LHPP: variants seen among roughly 807,000 people sequenced by gnomAD.
LHPP encodes hLHPP.
A neutral mutation model predicts 30.3 loss-of-function variants in LHPP; 24 were observed. The ratio of observed to expected loss-of-function variants is 0.79; its 90% CI spans 0.57 to 1.11. The LOEUF (loss-of-function observed/expected upper bound fraction) is 1.11. Ranked by LOEUF, LHPP falls within the 50% of genes most tolerant of loss-of-function variation. The probability of loss-of-function intolerance (pLI) is 0.00; values close to 1 mark genes in which losing one functional copy is unlikely to be tolerated. For synonymous variants in LHPP, 150 were observed against 157.1 expected, an observed-to-expected ratio of 0.95 and a Z score of 0.34; for missense variants, 356 against 367.2, an observed-to-expected ratio of 0.97 and a Z score of 0.25.
chr10:124,534,499 T>C (rs1267074539), intron 6 of LHPP, among the ~76,000 whole-genome samples: 1 of 152,136 alleles, frequency 6.6e-6, no homozygotes, highest in African/African-American at 2.4e-5. Context: ...GGCCTGGGCT[T>C]TGGGGTCAAG....
intron 1 of LHPP, among the ~76,000 whole-genome samples, chr10:124,469,796 G>A (rs914119922): frequency 1.3e-5 from 2 of 152,170 alleles, no homozygotes; most frequent in Non-Finnish European, 2.9e-5. Context: ...ACCAGCAGGC[G>A]ACAGCGTGCA....
At chr10:124,574,456 A>G (rs4962655) in intron 6 of LHPP, among the ~76,000 whole-genome samples, 63,419 of 152,056 alleles carry the variant, frequency 0.42, 13,521 homozygotes, top group East Asian at 0.5. Context: ...GCGGGAGCTC[A>G]GTCTGGCTTT....
At chr10:124,604,233 A>G (rs1035783026) in intron 6 of LHPP, among the ~76,000 whole-genome samples, 5 of 152,136 alleles carry the variant, frequency 3.3e-5, no homozygotes, top group Admixed American at 6.5e-5. Flanking sequence ...ATCTGTGGCC[A>G]TCTCCACTCC....
chr10:124,591,927 G>A (rs529157129), intron 6 of LHPP, among the ~76,000 whole-genome samples: 99 of 152,276 alleles, frequency 6.5e-4, no homozygotes, highest in Admixed American at 5.2e-4. Flanking sequence ...GTCTGGTGGT[G>A]AAGAACTTTG....
At chr10:124,470,080 C>T (rs992467982) in intron 1 of LHPP, among the ~76,000 whole-genome samples, 4 of 152,212 alleles carry the variant, frequency 2.6e-5, no homozygotes, top group South Asian at 2.1e-4. Flanking sequence ...TGTAACCGGC[C>T]GTGTCCCCCC....
intron 3 of LHPP, among the ~76,000 whole-genome samples, chr10:124,492,347 CAG>C (rs1483517939): frequency 6.6e-6 from 1 of 152,202 alleles, no homozygotes; most frequent in Non-Finnish European, 1.5e-5. Flanking sequence ...CAGGGTTCCT[CAG>C]AGAAGCCCGA....
At position 124,567,394 on chromosome 10, in the gene LHPP, C is replaced by T. The variant is rs182892781; in HGVS notation, c.717-45870C>T. ...CCGCTCAGCCGCTGCCTGCCCTCCACGCGCCCCTGGCTGCCTCTCTCAGCC... is the reference window on the plus strand; with the variant it reads ...CCGCTCAGCCGCTGCCTGCCCTCCATGCGCCCCTGGCTGCCTCTCTCAGCC... On this transcript the variant is annotated intron_variant, in intron 6 of 6. Coordinates refer to ENST00000368842, the MANE Select transcript of LHPP (RefSeq NM_022126.4). 3.6e-3 allele frequency among the ~76,000 whole-genome samples: 545 copies of T among 152,378 alleles called. 2 individuals carry two copies. Among genetic ancestry groups the T allele is most frequent in the African/African-American group, 0.012 (516 of 41,594 alleles).
intron 6 of LHPP, among the ~76,000 whole-genome samples, chr10:124,551,378 C>T (rs1194349735): frequency 6.6e-6 from 1 of 152,180 alleles, no homozygotes; most frequent in Non-Finnish European, 1.5e-5. Context: ...AAGTTTGGCA[C>T]CCCCGGCCCT....
intron 6 of LHPP, among the ~76,000 whole-genome samples, chr10:124,551,659 C>A (rs116865267): frequency 0.1 from 15,385 of 152,248 alleles, 1,033 homozygotes; most frequent in Non-Finnish European, 0.15. Context: ...TGGGGAGAGG[C>A]CTCAGCCAGG....
chr10:124,592,191 G>T lies in LHPP; in HGVS notation c.717-21073G>T, dbSNP rs771912968. 6.6e-5 allele frequency among the ~76,000 whole-genome samples: 10 copies of T among 152,136 alleles called. No homozygotes were observed. The highest frequency in any genetic ancestry group is 2.2e-4 in the African/African-American group (9 of 41,426). ...CCTGTGACTAGGTGAGGGACAGTGC[G>T]GGGTGGCCTGCCTGCATATGCCAGG... is the stretch of plus-strand genomic sequence containing the variant. On this transcript the variant is annotated intron_variant, in intron 6 of 6. Transcript: ENST00000368842. The surrounding 1 kb of genome is among the most constrained non-coding windows in gnomAD (Gnocchi z 6.2).
At chr10:124,473,074 A>G (rs1324166211) in intron 1 of LHPP, among the ~76,000 whole-genome samples, 1 of 152,168 alleles carries the variant, frequency 6.6e-6, no homozygotes, top group African/African-American at 2.4e-5. Flanking sequence ...TCACCCTGTG[A>G]AAATCAAGGG....
intron 1 of LHPP, among the ~76,000 whole-genome samples, chr10:124,468,252 G>C (rs189276283): frequency 6.6e-6 from 1 of 152,166 alleles, no homozygotes; most frequent in Admixed American, 6.5e-5. Flanking sequence ...TGCCAGGAGG[G>C]TTTTGTTTGG....
At chr10:124,462,408 A>G (rs1952430956) in intron 1 of LHPP, among the ~76,000 whole-genome samples, 1 of 152,072 alleles carries the variant, frequency 6.6e-6, no homozygotes, top group East Asian at 1.9e-4. Context: ...CACCCTGGGC[A>G]ACATAGGGAG....
rs1948859491 is a variant in LHPP at position 124,590,025 on chromosome 10, C to T, written c.717-23239C>T. 2.0e-5 allele frequency among the ~76,000 whole-genome samples: 3 copies of T among 152,188 alleles called. No individual in the cohort carries two copies. Among genetic ancestry groups the T allele is most frequent in the Non-Finnish European group, 4.4e-5 (3 of 68,026 alleles). On this transcript the variant is annotated intron_variant, in intron 6 of 6. Coordinates refer to ENST00000368842, the MANE Select transcript of LHPP (RefSeq NM_022126.4). The surrounding 1 kb of genome is among the most constrained non-coding windows in gnomAD (Gnocchi z 4.3). ...AGTTCTCTCCATCCCACCACTCCAC[C>T]GCCCCCCGCCCTTAGAAAAATAAAT...
chr10:124,491,952 T>A (rs1454872602), intron 3 of LHPP, among the ~76,000 whole-genome samples: 2 of 152,198 alleles, frequency 1.3e-5, no homozygotes, highest in African/African-American at 4.8e-5. Context: ...CTTAAATGTA[T>A]TTTTGAGGCT....
At chr10:124,513,560 G>C (rs906169106) in intron 5 of LHPP, among the ~76,000 whole-genome samples, 4 of 142,370 alleles carry the variant, frequency 2.8e-5, no homozygotes, top group African/African-American at 5.4e-5. Context: ...CACCTCCCAG[G>C]TTCAAGCAAT....
At chr10:124,514,183 G>C (rs539052338) in intron 5 of LHPP, among the ~76,000 whole-genome samples, 1 of 152,196 alleles carries the variant, frequency 6.6e-6, no homozygotes, top group East Asian at 1.9e-4. Flanking sequence ...CCAGCCTGGG[G>C]GCAGAGGAAA....
chr10:124,479,851 C>CT (rs1385644384), intron 1 of LHPP, among the ~76,000 whole-genome samples: 1 of 152,234 alleles, frequency 6.6e-6, no homozygotes, highest in Non-Finnish European at 1.5e-5. Flanking sequence ...GGTCAGGTCT[C>CT]TGTCTCCTGG....
rs150872069 is a variant in LHPP at position 124,544,947 on chromosome 10, C to T, written c.716+27676C>T. On this transcript the variant is annotated intron_variant, in intron 6 of 6. Transcript: ENST00000368842. ...TGCATGGGCGGCCTGGGTTGGGCTT[C>T]CTTTCTCGGCTTGTCTGGGAGGACG... Among the ~76,000 whole-genome samples, 6 of 152,306 alleles carry T rather than the reference C, an allele frequency of 3.9e-5. No homozygotes were observed. The South Asian group carries it at 6.2e-4, about 16-fold the overall frequency.
Sources: allele counts gnomAD v4.1 joint callset (sites outside exome capture counted in the v4.1 genomes callset), GRCh38; gene constraint gnomAD v4.1.1; non-coding constraint Gnocchi (gnomAD v3.1); transcripts MANE v1.5; gene names NCBI Gene and HGNC (gene_info 2026-07-23, HGNC 2026-07-21).